Variants in GRIK2 observed in about 807,000 individuals in gnomAD.
The protein encoded by GRIK2 is glutamate receptor ionotropic, kainate 2.
In GRIK2, 32 loss-of-function variants were observed where a neutral mutation model predicts 100.3. That is an observed-to-expected ratio of 0.32 (90% confidence interval 0.24 to 0.43). The LOEUF is 0.43. Ranked by LOEUF, GRIK2 falls within the 20% of genes least tolerant of loss-of-function variation. The pLI is 1.00. For synonymous variants in GRIK2, 417 were observed against 389.4 expected (o/e 1.07, Z -0.83); for missense variants, 843 against 1,114.9 (o/e 0.76, Z 3.47).
intron 7 of GRIK2, among the ~76,000 whole-genome samples, chr6:101,794,048 C>A (rs1452053538): frequency 6.6e-6 from 1 of 152,168 alleles, no homozygotes; most frequent in Admixed American, 6.5e-5. Flanking sequence ...TGCGCCATTT[C>A]CTAAGCCCGT....
chr6:101,532,493 A>AAATATTT (rs749352382), intron 2 of GRIK2, among the ~76,000 whole-genome samples: 1 of 151,096 alleles, frequency 6.6e-6, no homozygotes, highest in Non-Finnish European at 1.5e-5. Context: ...AACATATAAT[A>AAATATTT]AATATTTATC....
At chr6:101,531,160 C>T (rs1775422712) in intron 2 of GRIK2, among the ~76,000 whole-genome samples, 1 of 151,932 alleles carries the variant, frequency 6.6e-6, no homozygotes, top group African/African-American at 2.4e-5. Flanking sequence ...ATCTGATAAA[C>T]CCATTAGAAA....
At chr6:101,994,783 T>A (rs1335817964) in intron 14 of GRIK2, among the ~76,000 whole-genome samples, 4 of 151,986 alleles carry the variant, frequency 2.6e-5, no homozygotes, top group Admixed American at 6.6e-5. Context: ...CTTGAATTGA[T>A]AATTAATTGT....
chr6:101,397,884 T>C (rs115896493), intron 1 of GRIK2, among the ~76,000 whole-genome samples: 248 of 152,214 alleles, frequency 1.6e-3, no homozygotes, highest in African/African-American at 5.4e-3. Flanking sequence ...AATATATATT[T>C]ATTATACAAG....
chr6:102,018,920 T>C lies in GRIK2; in HGVS notation c.2086-16421T>C, dbSNP rs1473756916. 2.6e-5 allele frequency among the ~76,000 whole-genome samples: 4 copies of C among 150,950 alleles called. No individual in the cohort carries two copies. In the Admixed American group the frequency reaches 2.7e-4, roughly 10 times the overall value. ...TTCTAAAAGTAAGCAACACAAAATATTCTGAGACATGTCATTTTCTTTTGT... is the reference window on the plus strand; with the variant it reads ...TTCTAAAAGTAAGCAACACAAAATACTCTGAGACATGTCATTTTCTTTTGT... On this transcript the variant is annotated intron_variant, in intron 14 of 16. Coordinates refer to ENST00000369134, the MANE Select transcript of GRIK2 (RefSeq NM_021956.5).
intron 2 of GRIK2, among the ~76,000 whole-genome samples, chr6:101,507,212 A>G (rs1774068087): frequency 6.6e-6 from 1 of 152,120 alleles, no homozygotes; most frequent in Admixed American, 6.6e-5. Context: ...CTGTTAGTTA[A>G]AAATGTTTTT....
chr6:101,556,327 T>TTTTTTTTTTG, intron 2 of GRIK2, among the ~76,000 whole-genome samples: 1 of 57,042 alleles, frequency 1.8e-5, no homozygotes, highest in Non-Finnish European at 3.1e-5. Flanking sequence ...GGTAATTTTT[T>TTTTTTTTTTG]TTTTTTTTTT....
At chr6:102,067,441 TAATC>T (rs1204953275) in intron 16 of GRIK2, among the ~76,000 whole-genome samples, 1 of 151,718 alleles carries the variant, frequency 6.6e-6, no homozygotes, top group African/African-American at 2.4e-5. Context: ...TCTAAGTTCA[TAATC>T]AATAAAGCAG....
At chr6:101,551,970 G>A (rs1445508889) in intron 2 of GRIK2, among the ~76,000 whole-genome samples, 1 of 152,174 alleles carries the variant, frequency 6.6e-6, no homozygotes, top group African/African-American at 2.4e-5. Context: ...AGGCAGTAAG[G>A]TAATAAGTAA....
chr6:101,429,439 A>C (rs1426944265), intron 2 of GRIK2, among the ~76,000 whole-genome samples: 3 of 152,202 alleles, frequency 2.0e-5, no homozygotes, highest in African/African-American at 7.2e-5. Context: ...CACAGCTGTG[A>C]GTCAGAATGA....
chr6:101,795,117 T>C (rs1780204286), intron 7 of GRIK2, among the ~76,000 whole-genome samples: 1 of 152,160 alleles, frequency 6.6e-6, no homozygotes, highest in Admixed American at 6.5e-5. Context: ...TCCATCCACC[T>C]CGGCCTCCCA....
intron 7 of GRIK2, among the ~76,000 whole-genome samples, chr6:101,717,338 T>A (rs538870181): frequency 1.1e-4 from 17 of 150,586 alleles, no homozygotes; most frequent in African/African-American, 3.9e-4. Context: ...CACTTTTTTT[T>A]AAAGTAAAAT....
chr6:101,886,982 C>T (rs1786688125), intron 11 of GRIK2, among the ~76,000 whole-genome samples: 1 of 146,152 alleles, frequency 6.8e-6, no homozygotes, highest in South Asian at 2.3e-4. Context: ...TGTGCCACCA[C>T]ACCTGGGTAT....
rs147810620 is a variant in GRIK2, at chr6:101,612,583, C to T, written c.116-9366C>T. On this transcript the variant is annotated intron_variant, in intron 2 of 16. Coordinates refer to ENST00000369134, the MANE Select transcript of GRIK2 (RefSeq NM_021956.5). ...AGTTTGCATTATGTTTGAAAGGGGT[C>T]TGGAACATTGAGCACATAAAGCAAA... 3.1e-4 allele frequency among the ~76,000 whole-genome samples: 47 copies of T among 151,786 alleles called. No individual in the cohort carries two copies. The East Asian group carries it at 8.1e-3, about 26-fold the overall frequency.
intron 10 of GRIK2, among the ~76,000 whole-genome samples, chr6:101,819,723 G>A (rs575312297): frequency 1.3e-5 from 2 of 152,038 alleles, no homozygotes; most frequent in African/African-American, 4.8e-5. Flanking sequence ...ATTACTTCCT[G>A]TTGGGACTAT....
chr6:101,929,660 G>T (rs1485841719), intron 14 of GRIK2, among the ~76,000 whole-genome samples: 1 of 152,042 alleles, frequency 6.6e-6, no homozygotes, highest in Non-Finnish European at 1.5e-5. Context: ...TTGGTTTTAT[G>T]TGACTTAAGT....
At chr6:101,423,907 T>C (rs541183999) in intron 2 of GRIK2, among the ~76,000 whole-genome samples, 1 of 152,212 alleles carries the variant, frequency 6.6e-6, no homozygotes, top group Admixed American at 6.5e-5. Context: ...AGCCAAGATA[T>C]GGAAACAACC....
intron 7 of GRIK2, among the ~76,000 whole-genome samples, chr6:101,708,794 T>C (rs1773511286): frequency 6.6e-6 from 1 of 151,790 alleles, no homozygotes; most frequent in Non-Finnish European, 1.5e-5. Flanking sequence ...CTAACAGTTT[T>C]CCAGTTTTTC....
intron 8 of GRIK2, 66 bp downstream of exon 8, chr6:101,799,857 G>T: frequency 4.5e-6 from 6 of 1,337,794 alleles, no homozygotes; most frequent in Non-Finnish European, 6.3e-6. Context: ...TGAGATTATT[G>T]TGGTTTTTCT....
Sources: allele counts gnomAD v4.1 joint callset (sites outside exome capture counted in the v4.1 genomes callset), GRCh38; gene constraint gnomAD v4.1.1; transcripts MANE v1.5; gene names NCBI Gene and HGNC (gene_info 2026-07-23, HGNC 2026-07-21).